ARHGAP44: variants seen among roughly 807,000 people sequenced by gnomAD.
ARHGAP44 encodes the protein rho GTPase-activating protein 44.
Under a neutral mutation model 106.8 loss-of-function variants are expected in ARHGAP44, and 43 were observed. The observed-to-expected ratio is 0.40, with a 90% CI of 0.32 to 0.52. The LOEUF is 0.52. ARHGAP44 is among the 20% of genes least tolerant of loss of function. ARHGAP44 has a pLI of 0.48. For synonymous variants in ARHGAP44, 439 were observed against 410.3 expected, an observed-to-expected ratio of 1.07 and a Z score of -0.85; for missense variants, 866 against 1,050.5, an observed-to-expected ratio of 0.82 and a Z score of 2.43.
At chr17:12,935,900 A>G (rs2038534334) in intron 7 of ARHGAP44, among the ~76,000 whole-genome samples, 1 of 152,232 alleles carries the variant, frequency 6.6e-6, no homozygotes, top group Non-Finnish European at 1.5e-5. Flanking sequence ...AAGCCAAACA[A>G]ATCAGAAGAG....
At chr17:12,964,491 A>AAGCG (rs1383114307) in intron 16 of ARHGAP44, among the ~76,000 whole-genome samples, 5 of 152,128 alleles carry the variant, frequency 3.3e-5, no homozygotes, top group Non-Finnish European at 5.9e-5. Context: ...GCAAGAATAG[A>AAGCG]AGCGACAGGC....
chr17:12,989,113 A>AAC (rs1567728662), intron 20 of ARHGAP44, among the ~76,000 whole-genome samples: 1 of 141,728 alleles, frequency 7.1e-6, no homozygotes, highest in Non-Finnish European at 1.6e-5. Context: ...AAAAAAAAAA[A>AAC]AAAAAAAAAA....
At chr17:12,862,638 T>G (rs1022126683) in intron 1 of ARHGAP44, among the ~76,000 whole-genome samples, 9 of 152,178 alleles carry the variant, frequency 5.9e-5, no homozygotes, top group African/African-American at 2.2e-4. Flanking sequence ...AGAGTGTTCT[T>G]GGTATCTACA....
chr17:12,874,688 T>C (rs2036500356), intron 1 of ARHGAP44, among the ~76,000 whole-genome samples: 1 of 150,840 alleles, frequency 6.6e-6, no homozygotes, highest in Non-Finnish European at 1.5e-5. Flanking sequence ...GCCAAGAGTG[T>C]GCCACTGCAC....
intron 1 of ARHGAP44, among the ~76,000 whole-genome samples, chr17:12,854,316 CT>C (rs2035843535): frequency 6.6e-6 from 1 of 152,056 alleles, no homozygotes; most frequent in African/African-American, 2.4e-5. Context: ...CTGTTGTGGT[CT>C]TTTTTTCCCC....
At position 12,789,975 on chromosome 17, in the gene ARHGAP44, C is replaced by T. The variant is rs1346988079; in HGVS notation, c.53+84C>T. ...CGCGCAGGTGATGGAGCCCGCCCAG[C>T]CTCCAGTCCTCCTTGCCTCAGTCCT... On this transcript the variant is annotated intron_variant, in intron 1 of 20. Coordinates refer to ENST00000379672, the MANE Select transcript of ARHGAP44 (RefSeq NM_014859.6). The T allele has an allele frequency of 2.3e-6, 3 of 1,292,146 alleles. No homozygotes were observed. The East Asian group carries it at 9.3e-5, about 40-fold the overall frequency. 80.0% of individuals were successfully genotyped at this position (1,292,146 alleles called of 1,614,324 possible).
At chr17:12,973,984 G>C in intron 17 of ARHGAP44, 105 bp from the exon 18 acceptor site, 1 of 1,224,034 alleles carries the variant, frequency 8.2e-7, no homozygotes, top group Non-Finnish European at 1.2e-6. Flanking sequence ...TGCTAAAGCT[G>C]CGCTGCTCTT....
chr17:12,957,634 TA>T (rs1366107814), intron 15 of ARHGAP44, among the ~76,000 whole-genome samples: 9 of 152,156 alleles, frequency 5.9e-5, no homozygotes, highest in Non-Finnish European at 1.3e-4. Flanking sequence ...GCTCTGAAGA[TA>T]ACTTCCTAAG....
At chr17:12,883,185 T>A (rs572132355) in intron 1 of ARHGAP44, among the ~76,000 whole-genome samples, 32 of 151,394 alleles carry the variant, frequency 2.1e-4, no homozygotes, top group African/African-American at 3.4e-4. Flanking sequence ...GTTTTTTTTT[T>A]AAAAACTTGC....
intron 1 of ARHGAP44, chr17:12,790,364 C>G (rs2033706698): frequency 6.3e-6 from 1 of 159,412 alleles, no homozygotes; most frequent in Non-Finnish European, 1.4e-5. Flanking sequence ...TCGGCCTGCC[C>G]CTCCCGCCGT....
rs1005361385 is a variant in ARHGAP44 at position 12,910,220 on chromosome 17, G to A, written c.275+1247G>A. Reference sequence around the variant, plus strand: ...AACAGAAGAAAGATGAGAAGTACAAGTACCAAGGTAGGAAAAAGATTGTGT... The same window carrying A: ...AACAGAAGAAAGATGAGAAGTACAAATACCAAGGTAGGAAAAAGATTGTGT... On this transcript the variant is annotated intron_variant, in intron 4 of 20. Transcript: ENST00000379672. Among the ~76,000 whole-genome samples, 16 of 148,910 alleles carry A rather than the reference G, an allele frequency of 1.1e-4. No individual in the cohort carries two copies. The East Asian group carries it at 2.6e-3, about 24-fold the overall frequency.
chr17:12,939,754 C>G (rs2038655048), intron 7 of ARHGAP44, among the ~76,000 whole-genome samples: 1 of 152,254 alleles, frequency 6.6e-6, no homozygotes, highest in South Asian at 2.1e-4. Context: ...GCGTGAGCCA[C>G]CACGCCCGGC....
intron 18 of ARHGAP44, among the ~76,000 whole-genome samples, chr17:12,975,991 A>T (rs8072799): frequency 0.37 from 56,117 of 151,556 alleles, 12,205 homozygotes; most frequent in Non-Finnish European, 0.5. Context: ...GGATGTGAGA[A>T]TTGCACCATG....
intron 6 of ARHGAP44, among the ~76,000 whole-genome samples, chr17:12,926,230 T>G (rs2038224260): frequency 6.6e-6 from 1 of 151,794 alleles, no homozygotes; most frequent in South Asian, 2.1e-4. Flanking sequence ...CTGGGCATGG[T>G]GGCATGTGCC....
intron 20 of ARHGAP44, chr17:12,987,035 TTTTG>T: frequency 1.5e-6 from 2 of 1,349,530 alleles, no homozygotes; most frequent in Non-Finnish European, 9.9e-7. Context: ...TTTTTTTTTT[TTTTG>T]TGACGTTCAT....
intron 1 of ARHGAP44, among the ~76,000 whole-genome samples, chr17:12,804,775 G>A (rs2034223403): frequency 6.6e-6 from 1 of 152,176 alleles, no homozygotes; most frequent in Non-Finnish European, 1.5e-5. Flanking sequence ...AAAACTTGGT[G>A]TATTGTATTC....
chr17:12,977,387 T>TG (rs1437297801), intron 18 of ARHGAP44, among the ~76,000 whole-genome samples: 1 of 152,136 alleles, frequency 6.6e-6, no homozygotes, highest in African/African-American at 2.4e-5. Context: ...CCCCCTCCCC[T>TG]GATGGCAGGC....
chr17:12,978,323 G>T (rs1169447069), intron 18 of ARHGAP44, among the ~76,000 whole-genome samples: 1 of 152,210 alleles, frequency 6.6e-6, no homozygotes, highest in Non-Finnish European at 1.5e-5. Context: ...TGAGGCAAGG[G>T]TTTTCTGTTT....
chr17:12,987,644 T>A (rs1284143581), intron 20 of ARHGAP44: 1 of 152,396 alleles, frequency 6.6e-6, no homozygotes, highest in Non-Finnish European at 1.5e-5. Context: ...CCATTTTCTG[T>A]GGCCCCGAGT....
Sources: gnomAD v4.1 joint callset for allele counts (sites outside exome capture counted in the v4.1 genomes callset) on GRCh38, gnomAD v4.1.1 for gene constraint, MANE v1.5 for transcripts, NCBI Gene and HGNC (gene_info 2026-07-23, HGNC 2026-07-21) for gene names.